The following SLC16A13 variants were observed in gnomAD, a reference collection of about 807,000 sequenced individuals.
SLC16A13 encodes the protein monocarboxylate transporter 13.
SLC16A13 carries 28 observed loss-of-function variants against 28.1 expected under a neutral mutation model. The ratio of observed to expected loss-of-function variants is 1.00; its 90% CI spans 0.74 to 1.37. The LOEUF is 1.37. Ranked by LOEUF, SLC16A13 falls within the 40% of genes most tolerant of loss-of-function variation. The pLI is 0.00. For synonymous variants in SLC16A13, 228 were observed against 241.6 expected (o/e 0.94, Z 0.52); for missense variants, 482 against 531.8 (o/e 0.91, Z 0.92).
rs531380510 is a variant in SLC16A13, at chr17:7,039,256, C to T, written c.1081+367C>T. On this transcript the variant is annotated intron_variant, in intron 3 of 3. Transcript: ENST00000308027. The surrounding 1 kb of genome is among the most constrained non-coding windows in gnomAD (Gnocchi z 4.3). ...GCACCTGGTCAAAGTTCTGCTGGCT[C>T]AGGGTGCCAGAACTTTCAGACCTTT... is the stretch of plus-strand genomic sequence containing the variant. Among the ~76,000 whole-genome samples, 1 of 152,298 alleles carries T rather than the reference C, an allele frequency of 6.6e-6. No homozygotes were observed. Among genetic ancestry groups the T allele is most frequent in the East Asian group, 1.9e-4 (1 of 5,176 alleles).
chr17:7,036,117 T>C lies in SLC16A13; in HGVS notation c.-266T>C, dbSNP rs1234970094. ...GGACCGATCCGGCCCCGGCTTGAAC[T>C]AGCTCAGCTCCGAGCTCGCGGAACC... On this transcript the variant is annotated 5_prime_UTR_variant, in exon 1 of 4. Coordinates refer to ENST00000308027, the MANE Select transcript of SLC16A13 (RefSeq NM_201566.3). 15 of 415,222 alleles carry C rather than the reference T, an allele frequency of 3.6e-5. No homozygotes were observed. Among genetic ancestry groups the C allele is most frequent in the African/African-American group, 6.0e-5 (3 of 49,834 alleles). The allele number at this position is 415,222 out of a possible 1,614,324, so 25.7% of individuals were successfully genotyped here.
rs1910681376 is a variant in SLC16A13, at chr17:7,040,049, C to A, written c.*87C>A. 4 of 1,235,978 alleles carry A rather than the reference C, an allele frequency of 3.2e-6. No homozygotes were observed. The highest frequency in any genetic ancestry group is 4.6e-6 in the Non-Finnish European group (4 of 872,148). The allele number at this position is 1,235,978 out of a possible 1,614,324, so 76.6% of individuals were successfully genotyped here. On this transcript the variant is annotated 3_prime_UTR_variant, in exon 4 of 4. Transcript: ENST00000308027. ...TCTTGGTCTCCACAGAACCACAGTG[C>A]CTTAAGATTCTTGATCTGCCTCCCC...
Position 7,036,631 on chromosome 17 carries a change from G to A in SLC16A13, c.199+50G>A, listed in dbSNP as rs189272392. 233 of 1,610,108 alleles carry A rather than the reference G, an allele frequency of 1.4e-4. No homozygotes were observed. The East Asian group carries it at 4.8e-3, about 33-fold the overall frequency. ...GGACTGCGACCCTCGGAAGGGAGAG[G>A]GAATGCGGCGACTGGGAAGTGGAAG... On this transcript the variant is annotated intron_variant, in intron 1 of 3. Transcript: ENST00000308027.
In SLC16A13 at chr17:7,036,665, G is replaced by C. The variant is rs541229554; in HGVS notation, c.200-62G>C. On this transcript the variant is annotated intron_variant, in intron 1 of 3. Coordinates refer to ENST00000308027, the MANE Select transcript of SLC16A13 (RefSeq NM_201566.3). ...CGACTGGGAAGTGGAAGGGCGAGGG[G>C]CGGGAGATGCTGGGGGGGAGACCCC... 1.6e-5 allele frequency: 25 copies of C among 1,607,534 alleles called. No homozygotes were observed. The South Asian group carries it at 2.6e-4, about 17-fold the overall frequency.
rs1048274696 is a variant in SLC16A13, at chr17:7,038,982, C to T, written c.1081+93C>T. ...TCATTACAGTGTATGTGAATATTGC[C>T]CTCTGGTGTAGTACAGTACACAGCC... On this transcript the variant is annotated intron_variant, in intron 3 of 3. Coordinates refer to ENST00000308027, the MANE Select transcript of SLC16A13 (RefSeq NM_201566.3). This position sits in a 1 kb window ranked among gnomAD's most constrained non-coding sequence, Gnocchi z 5.7. 5 of 1,487,090 alleles carry T rather than the reference C, an allele frequency of 3.4e-6. No individual in the cohort carries two copies. The highest frequency in any genetic ancestry group is 4.3e-5 in the Admixed American group (2 of 46,500). 92.1% of individuals were successfully genotyped at this position (1,487,090 alleles called of 1,614,324 possible). A position where few individuals can be genotyped will look rare whatever the true frequency, so the allele number is the denominator to read the frequency against.
rs200228263 is a variant in SLC16A13 at position 7,038,180 on chromosome 17, G to A, written c.372G>A (p.Pro124=). 6.6e-5 allele frequency: 107 copies of A among 1,613,564 alleles called. 1 individual carries two copies. Among genetic ancestry groups the A allele is most frequent in the Non-Finnish European group, 8.2e-5 (97 of 1,179,908 alleles). ...SGSGWALTFA[P]TLACLSCYFS... ...CTGGCTGGGCTTTGACCTTCGCTCC[G>A]ACCCTGGCCTGCCTGTCCTGTTATT... Residue 124 remains proline, a synonymous_variant, in exon 3 of 4, where the codon CCG becomes CCA. Coordinates refer to ENST00000308027, the MANE Select transcript of SLC16A13 (RefSeq NM_201566.3). The surrounding 1 kb of genome is among the most constrained non-coding windows in gnomAD (Gnocchi z 5.7).
At position 7,036,301 on chromosome 17, in the gene SLC16A13, G is replaced by C; in HGVS notation, c.-82G>C. ...TCTCGGCCCCGAGCCACCCGGCAGC[G>C]GGGGTGGGTGTGCAGAGGTGCGGCG... is the stretch of plus-strand genomic sequence containing the variant. On this transcript the variant is annotated 5_prime_UTR_variant, in exon 1 of 4. Coordinates refer to ENST00000308027, the MANE Select transcript of SLC16A13 (RefSeq NM_201566.3). 1 of 1,412,474 alleles carries C rather than the reference G, an allele frequency of 7.1e-7. No individual in the cohort carries two copies. Among genetic ancestry groups the C allele is most frequent in the Non-Finnish European group, 9.6e-7 (1 of 1,042,074 alleles). The allele number at this position is 1,412,474 out of a possible 1,614,324, so 87.5% of individuals were successfully genotyped here.
rs1910671335 is a variant in SLC16A13 at position 7,039,722 on chromosome 17, A to G, written c.1082-41A>G. 6.2e-7 allele frequency: 1 copy of G among 1,606,016 alleles called. No homozygotes were observed. Among genetic ancestry groups the G allele is most frequent in the Non-Finnish European group, 8.5e-7 (1 of 1,173,308 alleles). On this transcript the variant is annotated intron_variant, in intron 3 of 3. Transcript: ENST00000308027. The surrounding 1 kb of genome is among the most constrained non-coding windows in gnomAD (Gnocchi z 4.3). The stretch of plus-strand genomic sequence containing the variant: ...GTATCTGAGCCCTCAGCCCCAGCAA[A>G]TAGATCACTCATGTGTATTCTTTTT...
Position 7,036,096 on chromosome 17 carries a change from C to A in SLC16A13, c.-287C>A. On this transcript the variant is annotated 5_prime_UTR_variant, in exon 1 of 4. Coordinates refer to ENST00000308027, the MANE Select transcript of SLC16A13 (RefSeq NM_201566.3). ...TCCCAGCCGAACACCGAACCGGGACCGATCCGGCCCCGGCTTGAACTAGCT... is the reference window on the plus strand; with the variant it reads ...TCCCAGCCGAACACCGAACCGGGACAGATCCGGCCCCGGCTTGAACTAGCT... 2.8e-6 allele frequency: 1 copy of A among 354,688 alleles called. No homozygotes were observed. Among genetic ancestry groups the A allele is most frequent in the Non-Finnish European group, 5.1e-6 (1 of 194,322 alleles). The allele number at this position is 354,688 out of a possible 1,614,324, so 22.0% of individuals were successfully genotyped here.
At position 7,036,578 on chromosome 17, in the gene SLC16A13, G is replaced by C. The variant is rs770949763; in HGVS notation, c.196G>C (p.Gly66Arg). ...ASIGIAVQQF[G>R]SPVGSALSTK... Reference sequence around the variant, plus strand: ...CATAGGAATCGCGGTGCAGCAGTTTGGGAGTGAGTGCGGCGCCTGGATCTG... The same window carrying C: ...CATAGGAATCGCGGTGCAGCAGTTTCGGAGTGAGTGCGGCGCCTGGATCTG... The change falls in exon 1 of 4, where the codon GGG becomes CGG. Residue 66 changes from glycine (G) to arginine (R), a missense_variant. Transcript: ENST00000308027. The C allele has an allele frequency of 6.2e-7, 1 of 1,612,382 alleles. No homozygotes were observed. Among genetic ancestry groups the C allele is most frequent in the East Asian group, 2.2e-5 (1 of 44,888 alleles).
chr17:7,039,227 T>C lies in SLC16A13; in HGVS notation c.1081+338T>C, dbSNP rs4630597. On this transcript the variant is annotated intron_variant, in intron 3 of 3. Coordinates refer to ENST00000308027, the MANE Select transcript of SLC16A13 (RefSeq NM_201566.3). The surrounding 1 kb of genome is among the most constrained non-coding windows in gnomAD (Gnocchi z 4.3). ...CCTACTGGGCCCCAAACCAGGTATC[T>C]GAGGCACCTGGTCAAAGTTCTGCTG... Among the ~76,000 whole-genome samples, 8,585 of 152,244 alleles carry C rather than the reference T, an allele frequency of 0.056. 537 individuals carry two copies. The highest frequency in any genetic ancestry group is 0.17 in the Admixed American group (2,542 of 15,294).
At position 7,038,208 on chromosome 17, in the gene SLC16A13, T is replaced by C; in HGVS notation, c.400T>C (p.Ser134Pro). ...CCTGGCCTGCCTGTCCTGTTATTTC[T>C]CTCGCCGACGATCCCTGGCCACCGG... ...PTLACLSCYF[S>P]RRRSLATGLA... Residue 134 changes from serine to proline, a missense_variant, in exon 3 of 4, where the codon TCT becomes CCT. By Grantham distance (74) the Ser-to-Pro change is moderately conservative. Coordinates refer to ENST00000308027, the MANE Select transcript of SLC16A13 (RefSeq NM_201566.3). The surrounding 1 kb of genome is among the most constrained non-coding windows in gnomAD (Gnocchi z 5.7). The C allele has an allele frequency of 1.2e-6, 2 of 1,614,120 alleles. No homozygotes were observed. The highest frequency in any genetic ancestry group is 1.7e-6 in the Non-Finnish European group (2 of 1,180,028).
chr17:7,038,634 G>T lies in SLC16A13; in HGVS notation c.826G>T (p.Val276Phe). ...RVVSGWLGDA[V>F]PGPVTRLLML... ...GGTCTCCGGATGGCTGGGAGATGCAGTCCCAGGGCCTGTGACACGACTCCT... is the reference window on the plus strand; with the variant it reads ...GGTCTCCGGATGGCTGGGAGATGCATTCCCAGGGCCTGTGACACGACTCCT... Residue 276 changes from valine (V) to phenylalanine (F), a missense_variant, in exon 3 of 4, where the codon GTC becomes TTC. Val to Phe is a conservative substitution (Grantham distance 50). Coordinates refer to ENST00000308027, the MANE Select transcript of SLC16A13 (RefSeq NM_201566.3). This position sits in a 1 kb window ranked among gnomAD's most constrained non-coding sequence, Gnocchi z 5.7. 1 of 1,614,186 alleles carries T rather than the reference G, an allele frequency of 6.2e-7. No homozygotes were observed. The highest frequency in any genetic ancestry group is 8.5e-7 in the Non-Finnish European group (1 of 1,180,038).
Position 7,039,851 on chromosome 17 carries a change from C to G in SLC16A13, c.1170C>G (p.Thr390=). The G allele has an allele frequency of 6.2e-7, 1 of 1,614,128 alleles. No homozygotes were observed. Among genetic ancestry groups the G allele is most frequent in the Non-Finnish European group, 8.5e-7 (1 of 1,180,022 alleles). The change falls in exon 4 of 4, where the codon ACC becomes ACG. Residue 390 remains threonine, a synonymous_variant. Transcript: ENST00000308027. The surrounding 1 kb of genome is among the most constrained non-coding windows in gnomAD (Gnocchi z 4.3). ...FLLSGSGILL[T]LPHFFCFSTT... is the part of the protein sequence containing the mutation. ...TTTCAGGGAGTGGCATTCTCCTCAC[C>G]CTGCCCCACTTCTTCTGCTTCTCAA...
rs1467386156 is a variant in SLC16A13, at chr17:7,036,039, G to A, written c.-344G>A. 4.2e-6 allele frequency: 1 copy of A among 236,088 alleles called. No homozygotes were observed. Among genetic ancestry groups the A allele is most frequent in the Non-Finnish European group, 8.3e-6 (1 of 120,292 alleles). 14.6% of individuals were successfully genotyped at this position (236,088 alleles called of 1,614,324 possible). On this transcript the variant is annotated 5_prime_UTR_variant, in exon 1 of 4. Coordinates refer to ENST00000308027, the MANE Select transcript of SLC16A13 (RefSeq NM_201566.3). Reference sequence around the variant, plus strand: ...TACACGGAAACTGGCGCGCTCCAGGGGTGGGGCCCAAACTCAGTTCCACCC... The same window carrying A: ...TACACGGAAACTGGCGCGCTCCAGGAGTGGGGCCCAAACTCAGTTCCACCC...
chr17:7,036,700 C>G, intron 1 of SLC16A13, 27 bp from the exon 2 acceptor site: 2 of 1,609,622 alleles, frequency 1.2e-6, no homozygotes, highest in South Asian at 2.2e-5. Context: ...CTGAGATCTT[C>G]TCGCAGCGCC....
rs766711213 is a variant in SLC16A13, at chr17:7,038,861, CG to C, written c.1059del (p.Leu354CysfsTer13). 1 of 1,610,896 alleles carries C rather than the reference CG, an allele frequency of 6.2e-7. No homozygotes were observed. The highest frequency in any genetic ancestry group is 1.3e-5 in the African/African-American group (1 of 74,930). The stretch of plus-strand genomic sequence containing the variant: ...GACTGTTGCAGATGATAGAGAGCAT[CG>C]GGGGGCTGCTGGGGCCTCCTCTCTC... ...LGLLQMIESIGGLLGPPLSGY... is the reference protein window; with the variant it reads ...LGLLQMIESIXGLLGPPLSGY... On this transcript the variant is annotated frameshift_variant, in exon 3 of 4. Coordinates refer to ENST00000308027, the MANE Select transcript of SLC16A13 (RefSeq NM_201566.3). LOFTEE classifies it high-confidence loss of function. The surrounding 1 kb of genome is among the most constrained non-coding windows in gnomAD (Gnocchi z 5.7).
chr17:7,036,500 G>A lies in SLC16A13; in HGVS notation c.118G>A (p.Glu40Lys), dbSNP rs142262830. The A allele has an allele frequency of 6.7e-5, 108 of 1,612,420 alleles. No homozygotes were observed. The highest frequency in any genetic ancestry group is 9.0e-5 in the Non-Finnish European group (106 of 1,180,050). The change falls in exon 1 of 4, where the codon GAG (glutamate) becomes AAG (lysine). Residue 40 changes from glutamate to lysine, a missense_variant. Transcript: ENST00000308027. ...VLRSFGVFFV[E>K]FVAAFEEQAA... ...CCGCTCCTTTGGGGTCTTCTTCGTG[G>A]AGTTTGTGGCGGCGTTTGAGGAGCA...
In SLC16A13 at chr17:7,038,346, C is replaced by G; in HGVS notation, c.538C>G (p.Leu180Val). The change falls in exon 3 of 4, where the codon CTC becomes GTC. Residue 180 changes from leucine (L) to valine (V), a missense_variant. Leu to Val is a conservative substitution (Grantham distance 32, BLOSUM62 1). Coordinates refer to ENST00000308027, the MANE Select transcript of SLC16A13 (RefSeq NM_201566.3). This position sits in a 1 kb window ranked among gnomAD's most constrained non-coding sequence, Gnocchi z 5.7. ...GSLLLVSALS[L>V]HLVACGALLR... ...CCTGCTGCTGGTGTCTGCCCTCTCC[C>G]TCCACCTAGTGGCCTGTGGTGCTCT... 6.2e-7 allele frequency: 1 copy of G among 1,614,152 alleles called. No individual in the cohort carries two copies. The highest frequency in any genetic ancestry group is 8.5e-7 in the Non-Finnish European group (1 of 1,180,024).
Sources: allele counts gnomAD v4.1 joint callset (sites outside exome capture counted in the v4.1 genomes callset), GRCh38; gene constraint gnomAD v4.1.1; non-coding constraint Gnocchi (gnomAD v3.1); transcripts MANE v1.5; gene names NCBI Gene and HGNC (gene_info 2026-07-23, HGNC 2026-07-21).